Variants in PTPRT observed in about 807,000 individuals in gnomAD.
PTPRT encodes receptor-type tyrosine-protein phosphatase T.
In PTPRT, 56 loss-of-function variants were observed where a neutral mutation model predicts 176.8. The observed-to-expected ratio is 0.32, with a 90% CI of 0.26 to 0.40. The LOEUF is 0.40. Among genes scored for constraint, PTPRT ranks in the 10% least tolerant of loss-of-function variants. The pLI, the probability that PTPRT is intolerant of heterozygous loss-of-function variation, is 1.00. For missense variants in PTPRT, 1,540 were observed against 1,908.2 expected, an observed-to-expected ratio of 0.81 and a Z score of 3.60; for synonymous variants, 783 against 739.0, an observed-to-expected ratio of 1.06 and a Z score of -0.96.
Position 42,818,128 on chromosome 20 carries a change from T to C in PTPRT, c.215-26662A>G, listed in dbSNP as rs537535750. 1.5e-4 allele frequency among the ~76,000 whole-genome samples: 23 copies of C among 152,284 alleles called. No individual in the cohort carries two copies. In the South Asian group the frequency reaches 4.8e-3, roughly 32 times the overall value. On this transcript the variant is annotated intron_variant, in intron 2 of 30. Coordinates refer to ENST00000373187, the MANE Select transcript of PTPRT (RefSeq NM_007050.6). ...AGGAGCAACCCTACTGGCATCAGTC[T>C]GGTGCCCCTCGAGGTCAGAGGCCCC...
intron 1 of PTPRT, among the ~76,000 whole-genome samples, chr20:43,052,811 A>G (rs990408816): frequency 6.6e-6 from 1 of 152,202 alleles, no homozygotes; most frequent in Non-Finnish European, 1.5e-5. Context: ...AAATGCTCCC[A>G]GCTTTAAGTA....
intron 9 of PTPRT, among the ~76,000 whole-genome samples, chr20:42,377,299 C>G (rs2058661014): frequency 6.6e-6 from 1 of 152,110 alleles, no homozygotes; most frequent in Admixed American, 6.5e-5. Context: ...CTCCAGAAAT[C>G]CTCAAGTCTA....
the PTPRT span, among the ~76,000 whole-genome samples, chr20:42,043,909 G>A: frequency 1.3e-5 from 2 of 152,164 alleles, no homozygotes; most frequent in East Asian, 3.8e-4. Context: ...AGTGAGAGAC[G>A]TAAAAGGCCC....
chr20:42,106,137 C>T (rs1184877932), intron 24 of PTPRT, among the ~76,000 whole-genome samples: 2 of 152,220 alleles, frequency 1.3e-5, no homozygotes, highest in African/African-American at 2.4e-5. Flanking sequence ...CTAGGAGCTA[C>T]ACCATAGCTG....
Position 42,472,461 on chromosome 20 carries a change from T to C in PTPRT, c.1255A>G (p.Ser419Gly). ...PFGYAVTRCH[S>G]YNLTVQYQYV... ...TGGTACTGCACGGTGAGGTTGTAGCTATGGCAGCGGGTCACCGCGTAGCCG... is the reference window on the plus strand; with the variant it reads ...TGGTACTGCACGGTGAGGTTGTAGCCATGGCAGCGGGTCACCGCGTAGCCG... The change falls in exon 8 of 31, where the codon AGC becomes GGC. Residue 419 changes from serine (S) to glycine (G), a missense_variant. Ser to Gly is a moderately conservative substitution (Grantham distance 56). Around this residue, in one of 11 missense-constraint regions of PTPRT, gnomAD observed 79 missense variants for 80.0 expected, o/e 0.99. Transcript: ENST00000373187. The C allele has an allele frequency of 6.2e-7, 1 of 1,614,256 alleles. No individual in the cohort carries two copies. The highest frequency in any genetic ancestry group is 8.5e-7 in the Non-Finnish European group (1 of 1,180,048).
chr20:42,855,184 A>G (rs1203556339), intron 2 of PTPRT, among the ~76,000 whole-genome samples: 1 of 152,220 alleles, frequency 6.6e-6, no homozygotes, highest in Admixed American at 6.5e-5. Flanking sequence ...TGGCTATGAA[A>G]GAGTGTATTT....
chr20:42,110,980 A>ATAAC (rs1036035262), intron 22 of PTPRT, among the ~76,000 whole-genome samples: 62 of 152,228 alleles, frequency 4.1e-4, no homozygotes, highest in Admixed American at 4.0e-3. Flanking sequence ...CAAAGTTTAT[A>ATAAC]TAACTTAGTA....
chr20:42,389,866 A>AGAAAG (rs1555839178), intron 9 of PTPRT, among the ~76,000 whole-genome samples: 5 of 138,434 alleles, frequency 3.6e-5, no homozygotes, highest in African/African-American at 5.4e-5. Flanking sequence ...AAAAAAAAAA[A>AGAAAG]AAAGAAAGAA....
intron 1 of PTPRT, among the ~76,000 whole-genome samples, chr20:43,133,662 G>T (rs2013718654): frequency 6.6e-6 from 1 of 151,602 alleles, no homozygotes. Flanking sequence ...GCAGGAGAAT[G>T]GCGTGAACCT....
At chr20:42,938,412 A>G (rs545957285) in intron 1 of PTPRT, among the ~76,000 whole-genome samples, 5 of 152,014 alleles carry the variant, frequency 3.3e-5, no homozygotes, top group Non-Finnish European at 7.4e-5. Context: ...GTTCTTTATA[A>G]CTCTTTGCCC....
chr20:42,645,705 G>T (rs2074876566), intron 7 of PTPRT, among the ~76,000 whole-genome samples: 1 of 151,086 alleles, frequency 6.6e-6, no homozygotes, highest in Non-Finnish European at 1.5e-5. Context: ...CCACCCAGAG[G>T]AAAAAAGGAC....
intron 2 of PTPRT, among the ~76,000 whole-genome samples, chr20:42,793,788 C>A (rs1183124579): frequency 1.3e-5 from 2 of 152,148 alleles, no homozygotes; most frequent in Non-Finnish European, 2.9e-5. Flanking sequence ...GGCCTACATG[C>A]CACAGGGTTC....
chr20:43,021,694 C>T (rs75742426), intron 1 of PTPRT, among the ~76,000 whole-genome samples: 1 of 151,656 alleles, frequency 6.6e-6, no homozygotes, highest in Non-Finnish European at 1.5e-5. Flanking sequence ...ATCACTGAAG[C>T]ATTGTTACTA....
At chr20:43,132,300 T>TC (rs2013668611) in intron 1 of PTPRT, among the ~76,000 whole-genome samples, 1 of 152,126 alleles carries the variant, frequency 6.6e-6, no homozygotes, top group Non-Finnish European at 1.5e-5. Context: ...TAGGTGGATT[T>TC]TAAAAAAACA....
intron 29 of PTPRT, among the ~76,000 whole-genome samples, chr20:42,082,425 T>A (rs1983426999): frequency 6.6e-6 from 1 of 152,206 alleles, no homozygotes; most frequent in Non-Finnish European, 1.5e-5. Flanking sequence ...CTTGCATCCA[T>A]GTCCAAAAGA....
chr20:42,308,099 C>T lies in PTPRT; in HGVS notation c.2139+7624G>A, dbSNP rs111531161. On this transcript the variant is annotated intron_variant, in intron 12 of 30. Coordinates refer to ENST00000373187, the MANE Select transcript of PTPRT (RefSeq NM_007050.6). The stretch of plus-strand genomic sequence containing the variant: ...ACCCTCAGTTCCGGGAATTGCCCAC[C>T]CCTTTCCCAGAAAACTCATGAATAA... 4.9e-3 allele frequency among the ~76,000 whole-genome samples: 750 copies of T among 152,210 alleles called. 6 individuals carry two copies. Among genetic ancestry groups the T allele is most frequent in the African/African-American group, 0.017 (719 of 41,548 alleles).
intron 5 of PTPRT, among the ~76,000 whole-genome samples, chr20:42,758,164 C>A (rs2076862527): frequency 6.6e-6 from 1 of 152,216 alleles, no homozygotes; most frequent in African/African-American, 2.4e-5. Context: ...AAATTGACTC[C>A]TTTAATTATC....
intron 9 of PTPRT, among the ~76,000 whole-genome samples, chr20:42,407,008 G>C (rs1480582699): frequency 6.6e-6 from 1 of 152,066 alleles, no homozygotes; most frequent in East Asian, 1.9e-4. Flanking sequence ...GATGTAGAGG[G>C]GATGAGATCC....
intron 8 of PTPRT, among the ~76,000 whole-genome samples, chr20:42,467,643 A>T (rs1379366094): frequency 6.6e-6 from 1 of 152,174 alleles, no homozygotes; most frequent in Non-Finnish European, 1.5e-5. Flanking sequence ...AACTGTCATG[A>T]TTTCTGCACT....
Sources: gnomAD v4.1 joint callset for allele counts (sites outside exome capture counted in the v4.1 genomes callset) on GRCh38, gnomAD v4.1.1 for gene constraint, gnomAD v4.1.1 regional missense constraint, MANE v1.5 for transcripts, NCBI Gene and HGNC (gene_info 2026-07-23, HGNC 2026-07-21) for gene names.